Variants in SPIRE1 observed in about 807,000 individuals in gnomAD.
SPIRE1 encodes spire type actin nucleation factor 1.
Under a neutral mutation model 94.1 loss-of-function variants are expected in SPIRE1, and 40 were observed. The observed-to-expected ratio is 0.43, with a 90% confidence interval of 0.33 to 0.55. The LOEUF is 0.55. SPIRE1 is among the 20% of genes least tolerant of loss of function. The pLI is 0.06. For synonymous variants in SPIRE1, 376 were observed against 371.7 expected (o/e 1.01, Z -0.13); for missense variants, 838 against 975.2 (o/e 0.86, Z 1.87).
intron 3 of SPIRE1, among the ~76,000 whole-genome samples, chr18:12,545,607 C>T (rs1217507463): frequency 6.6e-6 from 1 of 152,158 alleles, no homozygotes; most frequent in Admixed American, 6.5e-5. Flanking sequence ...AATCTCTGTA[C>T]ATTTGGCATG....
intron 12 of SPIRE1, among the ~76,000 whole-genome samples, chr18:12,458,886 T>C (rs944849490): frequency 2.0e-5 from 3 of 152,184 alleles, no homozygotes; most frequent in African/African-American, 7.2e-5. Flanking sequence ...TTGTGTCTTA[T>C]TTACATTGAG....
intron 2 of SPIRE1, among the ~76,000 whole-genome samples, chr18:12,569,755 G>GC (rs113720210): frequency 1.3e-5 from 2 of 152,084 alleles, no homozygotes; most frequent in African/African-American, 4.8e-5. Context: ...CAGCCCCCTT[G>GC]CCCCCTTGGA....
At chr18:12,648,677 G>T (rs940699674) in intron 1 of SPIRE1, among the ~76,000 whole-genome samples, 1 of 151,986 alleles carries the variant, frequency 6.6e-6, no homozygotes, top group African/African-American at 2.4e-5. Flanking sequence ...ATCACCTGAG[G>T]TCAGGAGTTT....
chr18:12,496,228 A>T (rs1293943562), intron 6 of SPIRE1, 126 bp from the exon 7 acceptor site: 1 of 630,902 alleles, frequency 1.6e-6, no homozygotes, highest in Non-Finnish European at 2.8e-6. Flanking sequence ...ATACATTTCA[A>T]ATCAATAAAG....
chr18:12,601,961 A>G (rs1004169921), intron 2 of SPIRE1, among the ~76,000 whole-genome samples: 2 of 152,058 alleles, frequency 1.3e-5, no homozygotes, highest in African/African-American at 2.4e-5. Flanking sequence ...AGCCCTGGTT[A>G]CTGGTAGTGG....
At chr18:12,628,946 G>T (rs2037705330) in intron 2 of SPIRE1, among the ~76,000 whole-genome samples, 2 of 152,110 alleles carry the variant, frequency 1.3e-5, no homozygotes, top group South Asian at 4.1e-4. Context: ...CAGTATACAT[G>T]AACTTTATTT....
At chr18:12,489,711 C>T (rs1052667893) in intron 8 of SPIRE1, among the ~76,000 whole-genome samples, 26 of 152,132 alleles carry the variant, frequency 1.7e-4, no homozygotes, top group African/African-American at 5.5e-4. Context: ...CCTTATAAAT[C>T]GTATTTGGAG....
intron 10 of SPIRE1, among the ~76,000 whole-genome samples, chr18:12,475,869 C>T (rs2032549809): frequency 1.3e-5 from 2 of 152,194 alleles, no homozygotes; most frequent in Non-Finnish European, 2.9e-5. Context: ...CATTCCAGCA[C>T]CCAGTCCGTA....
chr18:12,521,562 G>A (rs1318527625), intron 4 of SPIRE1, among the ~76,000 whole-genome samples: 2 of 151,974 alleles, frequency 1.3e-5, no homozygotes, highest in South Asian at 2.1e-4. Flanking sequence ...TCGAACTCCC[G>A]ACCTCAAGTG....
intron 1 of SPIRE1, among the ~76,000 whole-genome samples, chr18:12,657,126 C>G (rs1415601471): frequency 6.6e-6 from 1 of 152,250 alleles, no homozygotes; most frequent in East Asian, 1.9e-4. Context: ...GCCCTCCCCA[C>G]CCCGTGAACC....
intron 2 of SPIRE1, among the ~76,000 whole-genome samples, chr18:12,580,499 T>C (rs993855964): frequency 5.9e-5 from 9 of 152,088 alleles, no homozygotes; most frequent in African/African-American, 1.9e-4. Context: ...AATTTTTGCA[T>C]TTTCAGTAGA....
intron 8 of SPIRE1, among the ~76,000 whole-genome samples, chr18:12,487,226 C>T (rs1033362576): frequency 2.6e-5 from 4 of 152,100 alleles, no homozygotes; most frequent in Non-Finnish European, 4.4e-5. Context: ...TGTTGTGAAT[C>T]TCTTACTGAG....
At chr18:12,615,343 A>ATAT (rs1302326675) in intron 2 of SPIRE1, among the ~76,000 whole-genome samples, 2 of 35,380 alleles carry the variant, frequency 5.7e-5, no homozygotes, top group African/African-American at 1.3e-4. Context: ...AAAAAAAAAA[A>ATAT]AAATATATAT....
intron 2 of SPIRE1, among the ~76,000 whole-genome samples, chr18:12,582,530 C>G (rs2036282853): frequency 6.6e-6 from 1 of 152,008 alleles, no homozygotes; most frequent in African/African-American, 2.4e-5. Flanking sequence ...AATTGCTCCA[C>G]AATTATTAAC....
intron 10 of SPIRE1, among the ~76,000 whole-genome samples, chr18:12,470,807 T>C (rs1188475515): frequency 6.6e-6 from 1 of 152,044 alleles, no homozygotes; most frequent in Admixed American, 6.6e-5. Flanking sequence ...GAAATCTGCT[T>C]GTGTTTTTTG....
chr18:12,606,860 C>T (rs2036993082), intron 2 of SPIRE1, among the ~76,000 whole-genome samples: 1 of 152,136 alleles, frequency 6.6e-6, no homozygotes, highest in Admixed American at 6.5e-5. Context: ...GTTAGTGCTC[C>T]CTTTTATTAG....
At chr18:12,611,665 CTTTG>C (rs1359074821) in intron 2 of SPIRE1, among the ~76,000 whole-genome samples, 7 of 152,154 alleles carry the variant, frequency 4.6e-5, no homozygotes, top group African/African-American at 1.4e-4. Context: ...TTAAGTTTTA[CTTTG>C]TTTTTGTTTT....
chr18:12,450,824 G>C, intron 16 of SPIRE1: 1 of 736,124 alleles, frequency 1.4e-6, no homozygotes, highest in African/African-American at 1.7e-5. Flanking sequence ...AAAAAAGCTG[G>C]GTGAGATGCG....
intron 2 of SPIRE1, among the ~76,000 whole-genome samples, chr18:12,595,753 A>G (rs1288144993): frequency 6.6e-6 from 1 of 152,254 alleles, no homozygotes; most frequent in African/African-American, 2.4e-5. Context: ...ACATATACAT[A>G]CAATGTGTGC....
Sources: gnomAD v4.1 joint callset for allele counts (sites outside exome capture counted in the v4.1 genomes callset) on GRCh38, gnomAD v4.1.1 for gene constraint, MANE v1.5 for transcripts, NCBI Gene and HGNC (gene_info 2026-07-23, HGNC 2026-07-21) for gene names.